PDS5A: variants seen among roughly 807,000 people sequenced by gnomAD.
The protein encoded by PDS5A is sister chromatid cohesion protein PDS5 homolog A.
In PDS5A, 42 loss-of-function variants were observed where a neutral mutation model predicts 167.1. The ratio of observed to expected loss-of-function variants is 0.25; its 90% CI spans 0.20 to 0.33. PDS5A has a LOEUF of 0.33. Among genes scored for constraint, PDS5A ranks in the 10% least tolerant of loss-of-function variants. The pLI is 1.00. For missense variants in PDS5A, 1,033 were observed against 1,605.9 expected (o/e 0.64, Z 6.10); for synonymous variants, 553 against 554.6 (o/e 1.00, Z 0.04).
At chr4:39,923,347 G>GAAA (rs201112371) in intron 5 of PDS5A, among the ~76,000 whole-genome samples, 2 of 110,986 alleles carry the variant, frequency 1.8e-5, no homozygotes, top group African/African-American at 6.6e-5. Flanking sequence ...AAAAAAAAAA[G>GAAA]AAAAAAAAAA....
At chr4:39,916,051 A>G (rs1724341980) in intron 8 of PDS5A, among the ~76,000 whole-genome samples, 1 of 152,060 alleles carries the variant, frequency 6.6e-6, no homozygotes, top group Non-Finnish European at 1.5e-5. Flanking sequence ...TGGGCAACAT[A>G]GTGAGAACCC....
chr4:39,890,236 C>T lies in PDS5A; in HGVS notation c.1886+13G>A, dbSNP rs773525824. On this transcript the variant is annotated intron_variant, in intron 17 of 32. Transcript: ENST00000303538. ...TATTATTTATTTTTGAGCGAATATACTTCTTGGCTTACCTTATGGCTTCTG... is the reference window on the plus strand; with the variant it reads ...TATTATTTATTTTTGAGCGAATATATTTCTTGGCTTACCTTATGGCTTCTG... 7.4e-7 allele frequency: 1 copy of T among 1,359,664 alleles called. No homozygotes were observed. The highest frequency in any genetic ancestry group is 1.3e-5 in the South Asian group (1 of 77,110). The allele number at this position is 1,359,664 out of a possible 1,614,324, so 84.2% of individuals were successfully genotyped here. A position where few individuals can be genotyped will look rare whatever the true frequency, so the allele number is the denominator to read the frequency against.
At chr4:39,954,302 A>C (rs1370078809) in intron 2 of PDS5A, among the ~76,000 whole-genome samples, 4 of 151,748 alleles carry the variant, frequency 2.6e-5, no homozygotes, top group Non-Finnish European at 5.9e-5. Context: ...TGAGGCTGCA[A>C]TGAGCCATGA....
At chr4:39,901,607 T>A (rs1722894881) in intron 13 of PDS5A, among the ~76,000 whole-genome samples, 1 of 152,068 alleles carries the variant, frequency 6.6e-6, no homozygotes, top group African/African-American at 2.4e-5. Flanking sequence ...CAGGAACACT[T>A]GAAGAAGCCA....
At chr4:39,942,413 C>T (rs1044034068) in intron 2 of PDS5A, among the ~76,000 whole-genome samples, 3 of 152,118 alleles carry the variant, frequency 2.0e-5, no homozygotes, top group Non-Finnish European at 4.4e-5. Context: ...CAAACATACG[C>T]TCTTACTAAA....
Position 39,897,506 on chromosome 4 carries a change from C to T in PDS5A, c.1770+883G>A, listed in dbSNP as rs565626481. Among the ~76,000 whole-genome samples the T allele has an allele frequency of 3.8e-4, 58 of 152,254 alleles. 1 individual carries two copies. The highest frequency in any genetic ancestry group is 1.3e-3 in the Admixed American group (20 of 15,300). ...CTCCACCTCCCGAGTTCAAGCAATTCTCCTGTCTCAGCCTCTTGAGTAGCT... is the reference window on the plus strand; with the variant it reads ...CTCCACCTCCCGAGTTCAAGCAATTTTCCTGTCTCAGCCTCTTGAGTAGCT... On this transcript the variant is annotated intron_variant, in intron 16 of 32. Transcript: ENST00000303538.
At chr4:39,921,863 A>G (rs1196110696) in intron 6 of PDS5A, among the ~76,000 whole-genome samples, 2 of 152,218 alleles carry the variant, frequency 1.3e-5, no homozygotes, top group African/African-American at 4.8e-5. Context: ...TAAACTACAG[A>G]ATTTTGTAAA....
chr4:39,959,707 T>C (rs1729297764), intron 2 of PDS5A, among the ~76,000 whole-genome samples: 2 of 151,978 alleles, frequency 1.3e-5, no homozygotes, highest in South Asian at 2.1e-4. Context: ...GTAATCCCAA[T>C]ACATTGGGAG....
chr4:39,862,596 G>GA (rs1414959998), intron 25 of PDS5A, among the ~76,000 whole-genome samples: 1 of 151,984 alleles, frequency 6.6e-6, no homozygotes, highest in Non-Finnish European at 1.5e-5. Context: ...GCAAAGCTAG[G>GA]AAAAAATTAT....
rs1027521745 is a variant in PDS5A at position 39,894,790 on chromosome 4, G to A, written c.1770+3599C>T. Among the ~76,000 whole-genome samples the A allele has an allele frequency of 1.6e-4, 24 of 152,218 alleles. 1 individual carries two copies. The South Asian group carries it at 5.0e-3, about 32-fold the overall frequency. ...CCTGGTCCCAAGCATAGTACTTGAC[G>A]TTTATGTCTAACATTGTGAGAAGGA... is the stretch of plus-strand genomic sequence containing the variant. On this transcript the variant is annotated intron_variant, in intron 16 of 32. Transcript: ENST00000303538.
rs1399121443 is a variant in PDS5A, at chr4:39,876,338, A to T, written c.2153+655T>A. Among the ~76,000 whole-genome samples, 5 of 152,342 alleles carry T rather than the reference A, an allele frequency of 3.3e-5. No homozygotes were observed. The East Asian group carries it at 9.6e-4, about 29-fold the overall frequency. On this transcript the variant is annotated intron_variant, in intron 19 of 32. Coordinates refer to ENST00000303538, the MANE Select transcript of PDS5A (RefSeq NM_001100399.2). ...GAAGAGAATGTACAATGGACACTGA[A>T]TTATTTCACAAGTTAAACTATTAGC... is the stretch of plus-strand genomic sequence containing the variant.
chr4:39,900,359 G>T, intron 14 of PDS5A, 67 bp downstream of exon 14: 2 of 953,160 alleles, frequency 2.1e-6, no homozygotes, highest in Non-Finnish European at 3.3e-6. Context: ...GCTTCATTAC[G>T]TAGAACTACA....
At chr4:39,968,892 C>G (rs966246054) in intron 2 of PDS5A, among the ~76,000 whole-genome samples, 5 of 151,914 alleles carry the variant, frequency 3.3e-5, no homozygotes, top group Admixed American at 2.6e-4. Flanking sequence ...TCTACTGCCC[C>G]AGCCTCCTGA....
intron 21 of PDS5A, among the ~76,000 whole-genome samples, chr4:39,871,691 A>G (rs1325973184): frequency 6.6e-6 from 1 of 152,128 alleles, no homozygotes; most frequent in Non-Finnish European, 1.5e-5. Flanking sequence ...TTGGTAAAGC[A>G]GTGATTCTTT....
intron 2 of PDS5A, among the ~76,000 whole-genome samples, chr4:39,935,504 G>A (rs192999128): frequency 1.9e-4 from 29 of 152,316 alleles, no homozygotes; most frequent in Admixed American, 1.4e-3. Flanking sequence ...GGGTCGAGGT[G>A]TTCAAGCCTC....
At chr4:39,901,702 C>T (rs1313135116) in intron 13 of PDS5A, among the ~76,000 whole-genome samples, 3 of 152,124 alleles carry the variant, frequency 2.0e-5, no homozygotes, top group African/African-American at 7.2e-5. Context: ...GATGGTCAAG[C>T]TTCTAGGCTG....
intron 11 of PDS5A, among the ~76,000 whole-genome samples, chr4:39,908,041 A>G (rs545256597): frequency 3.5e-4 from 54 of 152,346 alleles, no homozygotes; most frequent in African/African-American, 1.2e-3. Flanking sequence ...TAAGTTATTC[A>G]AGAAAGTCAT....
rs1172471837 is a variant in PDS5A at position 39,841,977 on chromosome 4, C to T, written c.3628G>A (p.Val1210Ile). Residue 1210 changes from valine to isoleucine, a missense_variant, in exon 31 of 33, where the codon GTA (valine) becomes ATA (isoleucine). This residue lies in a region of PDS5A where 233 missense variants were observed against 264.0 expected (regional missense o/e 0.88). Transcript: ENST00000303538. ...TTCTTTACTGGGTCAATATTCTTTA[C>T]AGGTGTGACTGAAATAATCCTCACA... ...NPVRIISVTP[V>I]KNIDPVKNKE... 3 of 1,596,164 alleles carry T rather than the reference C, an allele frequency of 1.9e-6. No individual in the cohort carries two copies. The highest frequency in any genetic ancestry group is 1.3e-5 in the African/African-American group (1 of 74,582).
At chr4:39,907,800 A>G (rs1723527319) in intron 11 of PDS5A, among the ~76,000 whole-genome samples, 1 of 151,994 alleles carries the variant, frequency 6.6e-6, no homozygotes, top group African/African-American at 2.4e-5. Context: ...GTTAGCCAGG[A>G]TGGTCTCGAT....
Sources: gnomAD v4.1 joint callset for allele counts (sites outside exome capture counted in the v4.1 genomes callset) on GRCh38, gnomAD v4.1.1 for gene constraint, gnomAD v4.1.1 regional missense constraint, MANE v1.5 for transcripts, NCBI Gene and HGNC (gene_info 2026-07-23, HGNC 2026-07-21) for gene names.